TTC16: variants seen among roughly 807,000 people sequenced by gnomAD.
TTC16 encodes tetratricopeptide repeat protein 16.
In TTC16, 66 loss-of-function variants were observed where a neutral mutation model predicts 80.4. The ratio of observed to expected loss-of-function variants is 0.82; its 90% confidence interval spans 0.67 to 1.01. The LOEUF is 1.01. Among genes scored for constraint, TTC16 ranks in the 50% least tolerant of loss-of-function variants. The probability of loss-of-function intolerance (pLI) is 0.00; values close to 1 mark genes in which losing one functional copy is unlikely to be tolerated. For missense variants in TTC16, 1,070 were observed against 1,103.2 expected (o/e 0.97, Z 0.43); for synonymous variants, 438 against 451.3 (o/e 0.97, Z 0.37).
At chr9:127,730,408 C>T in intron 13 of TTC16, 1 of 609,622 alleles carries the variant, frequency 1.6e-6, no homozygotes, top group Non-Finnish European at 2.8e-6. Context: ...AGAGCAGAGG[C>T]CTGGGACTGG....
chr9:127,717,027 A>G lies in TTC16; in HGVS notation c.191+11A>G. 2 of 1,608,858 alleles carry G rather than the reference A, an allele frequency of 1.2e-6. No individual in the cohort carries two copies. The highest frequency in any genetic ancestry group is 1.7e-6 in the Non-Finnish European group (2 of 1,175,742). On this transcript the variant is annotated intron_variant, in intron 2 of 13. Transcript: ENST00000373289. The stretch of plus-strand genomic sequence containing the variant: ...CAAAGTCAGGGAATAGTGAGTGACT[A>G]CCTTGCTTTGGGGTCCCAGGTTCCT...
chr9:127,729,763 C>T (rs966857793), intron 13 of TTC16, 95 bp downstream of exon 13: 31 of 1,119,326 alleles, frequency 2.8e-5, no homozygotes, highest in East Asian at 4.9e-5. Flanking sequence ...GGTGTGCGTT[C>T]GGCCCCGCTG....
Position 127,724,152 on chromosome 9 carries a change from A to T in TTC16, c.905A>T (p.Asp302Val), listed in dbSNP as rs367615757. 1 of 1,612,784 alleles carries T rather than the reference A, an allele frequency of 6.2e-7. No homozygotes were observed. Among genetic ancestry groups the T allele is most frequent in the African/African-American group, 1.3e-5 (1 of 75,022 alleles). The stretch of plus-strand genomic sequence containing the variant: ...ATGTACCGACGGCTCCAGGAGTTCG[A>T]TGGGGCAGTGGAGGACTTCCTGAAG... The part of the protein sequence containing the change: ...GTMYRRLQEF[D>V]GAVEDFLKVL... Residue 302 changes from aspartate to valine, a missense_variant, in exon 8 of 14, where the codon GAT (aspartate) becomes GTT (valine). Coordinates refer to ENST00000373289, the MANE Select transcript of TTC16 (RefSeq NM_144965.3).
rs1218571537 is a variant in TTC16, at chr9:127,717,015, TAGTG to T, written c.191+5_191+8del. 3 of 1,611,862 alleles carry T rather than the reference TAGTG, an allele frequency of 1.9e-6. No homozygotes were observed. On this transcript the variant is annotated splice_donor_variant and splice_donor_region_variant and coding_sequence_variant and intron_variant, in exon 2 of 14. Transcript: ENST00000373289. LOFTEE classifies it high-confidence loss of function. ...AACAGTGCCCCTCAAAGTCAGGGAA[TAGTG>T]AGTGACTACCTTGCTTTGGGGTCCC...
At position 127,718,260 on chromosome 9, in the gene TTC16, T is replaced by C. The variant is rs1197256780; in HGVS notation, c.426+488T>C. 2.0e-5 allele frequency among the ~76,000 whole-genome samples: 3 copies of C among 152,012 alleles called. No individual in the cohort carries two copies. The highest frequency in any genetic ancestry group is 7.3e-5 in the African/African-American group (3 of 41,368). ...ACGCCACCACGCCTGGCTAATTTTT[T>C]GTATTTTAGTAGAGACAGGGTTTTA... On this transcript the variant is annotated intron_variant, in intron 4 of 13. Coordinates refer to ENST00000373289, the MANE Select transcript of TTC16 (RefSeq NM_144965.3). The surrounding 1 kb of genome is among the most constrained non-coding windows in gnomAD (Gnocchi z 4.6).
intron 6 of TTC16, 71 bp downstream of exon 6, chr9:127,720,466 G>A (rs1357185305): frequency 6.9e-6 from 11 of 1,589,512 alleles, no homozygotes; most frequent in Non-Finnish European, 9.4e-6. Flanking sequence ...AAGATTGCAG[G>A]AAGAGGCAAG....
Position 127,723,265 on chromosome 9 carries a change from G to A in TTC16, c.804G>A (p.Gln268=), listed in dbSNP as rs757452707. ...AGILAVQGKL[Q]HALQRINRAI... ...TCCTGGCTGTGCAGGGCAAGCTGCA[G>A]CACGCACTGCAGCGGATCAACCGTG... The change falls in exon 7 of 14, where the codon CAG becomes CAA. Residue 268 remains glutamine (Q), a synonymous_variant. Transcript: ENST00000373289. The A allele has an allele frequency of 6.2e-7, 1 of 1,612,952 alleles. No homozygotes were observed.
In TTC16 at chr9:127,724,865, G is replaced by C. The variant is rs753768941; in HGVS notation, c.1227G>C (p.Gln409His). 1.9e-6 allele frequency: 3 copies of C among 1,575,418 alleles called. No individual in the cohort carries two copies. Among genetic ancestry groups the C allele is most frequent in the Middle Eastern group, 3.4e-4 (2 of 5,798 alleles). The change falls in exon 9 of 14, where the codon CAG becomes CAC. Residue 409 changes from glutamine to histidine, a missense_variant. Physicochemically the swap from Gln to His is conservative, Grantham distance 24. Coordinates refer to ENST00000373289, the MANE Select transcript of TTC16 (RefSeq NM_144965.3). ...CCAACACGCGCATGGGCCTGCTGCA[G>C]GAGAAGATGGGCTTCTGCGAGCAGA... is the stretch of plus-strand genomic sequence containing the variant. Reference protein sequence around the residue: ...EGANTRMGLLQEKMGFCEQRR... With the variant: ...EGANTRMGLLHEKMGFCEQRR...
chr9:127,724,931 C>T, intron 9 of TTC16, 34 bp downstream of exon 9: 1 of 1,466,290 alleles, frequency 6.8e-7, no homozygotes, highest in South Asian at 1.4e-5. Context: ...GTGGGCGGGG[C>T]AGGCCCGAGG....
At chr9:127,716,659 G>A in intron 1 of TTC16, 185 bp from the exon 2 acceptor site, 1 of 699,702 alleles carries the variant, frequency 1.4e-6, no homozygotes, top group Non-Finnish European at 2.3e-6. Flanking sequence ...CAGGACTGCA[G>A]AGGGACAGGT....
Position 127,717,760 on chromosome 9 carries a change from G to A in TTC16, c.414G>A (p.Val138=), listed in dbSNP as rs1843165671. The change falls in exon 4 of 14, where the codon GTG becomes GTA. Residue 138 remains valine, a synonymous_variant. Coordinates refer to ENST00000373289, the MANE Select transcript of TTC16 (RefSeq NM_144965.3). Reference sequence around the variant, plus strand: ...AGCACCTGGAGCGCCTCACCTTTGTGCTCTACCTACAGGTGCCTGGGGCCT... The same window carrying A: ...AGCACCTGGAGCGCCTCACCTTTGTACTCTACCTACAGGTGCCTGGGGCCT... ...NCKHLERLTF[V]LYLQGQCLFE... 3 of 1,613,332 alleles carry A rather than the reference G, an allele frequency of 1.9e-6. No individual in the cohort carries two copies. The highest frequency in any genetic ancestry group is 1.7e-6 in the Non-Finnish European group (2 of 1,179,886).
chr9:127,729,214 A>C, intron 12 of TTC16: 1 of 186,816 alleles, frequency 5.4e-6, no homozygotes, highest in Non-Finnish European at 1.1e-5. Flanking sequence ...GGGAGAATGG[A>C]TGGGGGTAAA....
At chr9:127,717,828 T>G in intron 4 of TTC16, 56 bp downstream of exon 4, 1 of 1,559,760 alleles carries the variant, frequency 6.4e-7, no homozygotes. Context: ...TCTCAGGGGC[T>G]CTCCTGGCTC....
In TTC16 at chr9:127,731,163, C is replaced by T. The variant is rs570284071; in HGVS notation, c.2380C>T (p.Arg794Ter). The change falls in exon 14 of 14, where the codon CGA becomes TGA. Residue 794 changes from arginine to a stop codon, truncating the protein, a stop_gained. Transcript: ENST00000373289. LOFTEE classifies it low-confidence loss of function (END_TRUNC). ...CAGCAAGGTTGATGCCACCCAGGGC[C>T]GAAGCAGGGGACTGCTCCGAAGTTC... The part of the protein sequence containing the change: ...RPSKVDATQG[R>*]SRGLLRSSTK... 7.8e-5 allele frequency: 126 copies of T among 1,612,422 alleles called. No individual in the cohort carries two copies. In the East Asian group the frequency reaches 2.4e-3, roughly 31 times the overall value.
rs1564379235 is a variant in TTC16 at position 127,720,065 on chromosome 9, C to T, written c.427-13C>T. 6.2e-7 allele frequency: 1 copy of T among 1,612,644 alleles called. No individual in the cohort carries two copies. Among genetic ancestry groups the T allele is most frequent in the Non-Finnish European group, 8.5e-7 (1 of 1,178,994 alleles). ...GGGTGGCAAGCAGAATTGACTGTCC[C>T]CTGTGTCCCCAGGGACAATGCCTTT... On this transcript the variant is annotated splice_polypyrimidine_tract_variant and intron_variant, in intron 4 of 13. Transcript: ENST00000373289.
In TTC16 at chr9:127,723,352, C is replaced by A. The variant is rs1384690907; in HGVS notation, c.872+19C>A. 1 of 1,605,564 alleles carries A rather than the reference C, an allele frequency of 6.2e-7. No individual in the cohort carries two copies. Among genetic ancestry groups the A allele is most frequent in the Non-Finnish European group, 8.5e-7 (1 of 1,174,302 alleles). ...TCTTCCGGTACTGCATGGGAAGGTG[C>A]TGGCCTTGGGTCCCAGGTCCTGCCC... On this transcript the variant is annotated intron_variant, in intron 7 of 13. Transcript: ENST00000373289.
intron 9 of TTC16, among the ~76,000 whole-genome samples, chr9:127,725,919 A>G (rs1843917413): frequency 6.6e-6 from 1 of 152,080 alleles, no homozygotes; most frequent in Non-Finnish European, 1.5e-5. Flanking sequence ...TTTCTTTGTG[A>G]TATTTTTACT....
In TTC16 at chr9:127,716,846, T is replaced by C. The variant is rs776374543; in HGVS notation, c.21T>C (p.Asp7=). 2.5e-5 allele frequency: 40 copies of C among 1,610,006 alleles called. No homozygotes were observed. The Middle Eastern group carries it at 5.2e-4, about 21-fold the overall frequency. The stretch of plus-strand genomic sequence containing the variant: ...AGCTTGCTGTCCTTCGGTTCTAGGA[T>C]GCCCTGAAGGTTGACCAGGGCCCCT... MTDSDE[D]ALKVDQGPSR... Residue 7 remains aspartate, a splice_region_variant and synonymous_variant, in exon 2 of 14, where the codon GAT becomes GAC. Transcript: ENST00000373289.
chr9:127,717,604 G>A, intron 3 of TTC16, 25 bp from the exon 4 acceptor site: 2 of 1,610,836 alleles, frequency 1.2e-6, no homozygotes, highest in Non-Finnish European at 1.7e-6. Flanking sequence ...GGAGGATCTA[G>A]CAGCCTGGGT....
Sources: allele counts gnomAD v4.1 joint callset (sites outside exome capture counted in the v4.1 genomes callset), GRCh38; gene constraint gnomAD v4.1.1; non-coding constraint Gnocchi (gnomAD v3.1); transcripts MANE v1.5; gene names NCBI Gene and HGNC (gene_info 2026-07-23, HGNC 2026-07-21).